Variants in DAPK2 observed in about 807,000 individuals in gnomAD.
DAPK2 encodes death-associated protein kinase 2.
In DAPK2, 35 loss-of-function variants were observed where a neutral mutation model predicts 44.1. The ratio of observed to expected loss-of-function variants is 0.79; its 90% CI spans 0.61 to 1.05. The LOEUF is 1.05. DAPK2 is among the 50% of genes least tolerant of loss of function. The probability of loss-of-function intolerance (pLI) is 0.00; values close to 1 mark genes in which losing one functional copy is unlikely to be tolerated. For synonymous variants in DAPK2, 174 were observed against 182.6 expected, an observed-to-expected ratio of 0.95 and a Z score of 0.38; for missense variants, 453 against 483.2, an observed-to-expected ratio of 0.94 and a Z score of 0.59.
intron 4 of DAPK2, chr15:63,932,570 T>C (rs2077001140): frequency 6.6e-6 from 1 of 151,828 alleles, no homozygotes; most frequent in Admixed American, 6.6e-5. Context: ...AGATGACACT[T>C]TTTAAAAGCT....
intron 8 of DAPK2, chr15:63,918,008 A>T (rs1473842422): frequency 1.3e-5 from 2 of 152,200 alleles, no homozygotes; most frequent in Non-Finnish European, 2.9e-5. Context: ...GCCAGAGCAC[A>T]ATCAGTGTTT....
intron 1 of DAPK2, among the ~76,000 whole-genome samples, chr15:63,986,486 G>A (rs987627527): frequency 2.0e-5 from 3 of 152,112 alleles, no homozygotes; most frequent in Admixed American, 1.3e-4. Flanking sequence ...GGGCAGTGGT[G>A]TGATCATAAC....
At chr15:64,011,825 T>C (rs1312450057) in intron 1 of DAPK2, among the ~76,000 whole-genome samples, 2 of 152,168 alleles carry the variant, frequency 1.3e-5, no homozygotes, top group East Asian at 1.9e-4. Context: ...TGTCTCCATA[T>C]AGTAAGTGAA....
At chr15:63,922,945 T>C in intron 8 of DAPK2, 1 of 1,535,880 alleles carries the variant, frequency 6.5e-7, no homozygotes, top group Non-Finnish European at 8.7e-7. Flanking sequence ...GATGGTCCAG[T>C]TTCCTGGCCA....
At chr15:64,037,529 G>A (rs1347417706) in intron 1 of DAPK2, among the ~76,000 whole-genome samples, 1 of 152,194 alleles carries the variant, frequency 6.6e-6, no homozygotes, top group African/African-American at 2.4e-5. Context: ...CCAGCCTGGG[G>A]AGCATAAACT....
intron 8 of DAPK2, chr15:63,922,858 G>A (rs1217125789): frequency 9.8e-6 from 15 of 1,535,688 alleles, no homozygotes; most frequent in Admixed American, 3.9e-5. Context: ...TCTCCAGCTG[G>A]AAGCTGCCCA....
At chr15:64,036,816 T>C (rs1392678408) in intron 1 of DAPK2, among the ~76,000 whole-genome samples, 2 of 152,138 alleles carry the variant, frequency 1.3e-5, no homozygotes, top group East Asian at 3.9e-4. Context: ...ATGATCCCCC[T>C]GCTCTTCTTC....
At chr15:63,994,739 G>T (rs942003565) in intron 1 of DAPK2, among the ~76,000 whole-genome samples, 2 of 151,940 alleles carry the variant, frequency 1.3e-5, no homozygotes, top group East Asian at 3.9e-4. Flanking sequence ...ACAGGCATCC[G>T]CCACCATGCC....
intron 4 of DAPK2, among the ~76,000 whole-genome samples, chr15:63,937,630 A>AAGG (rs2077199824): frequency 6.6e-6 from 1 of 150,570 alleles, no homozygotes; most frequent in Non-Finnish European, 1.5e-5. Flanking sequence ...TTTTCCTCTC[A>AAGG]CTCACTCAAG....
intron 3 of DAPK2, among the ~76,000 whole-genome samples, chr15:63,954,074 T>G (rs1392413894): frequency 3.3e-5 from 5 of 152,302 alleles, no homozygotes; most frequent in African/African-American, 1.2e-4. Flanking sequence ...TCAAATGGGT[T>G]GTTTGTAAAT....
rs1240727855 is a variant in DAPK2, at chr15:63,933,220, C to G, written c.584-2765G>C. Among the ~76,000 whole-genome samples, 17 of 152,072 alleles carry G rather than the reference C, an allele frequency of 1.1e-4. No individual in the cohort carries two copies. In the East Asian group the frequency reaches 3.3e-3, roughly 29 times the overall value. On this transcript the variant is annotated intron_variant, in intron 4 of 10. Coordinates refer to ENST00000261891, the Ensembl canonical transcript of DAPK2. ...ACTGTTGTGACATCCAAACTGTGGT[C>G]ATTTTTCTAATAATTTATTTGTTTT...
chr15:63,976,097 A>G (rs1418979432), intron 2 of DAPK2, among the ~76,000 whole-genome samples: 2 of 152,254 alleles, frequency 1.3e-5, no homozygotes, highest in Admixed American at 6.5e-5. Context: ...CATAGAAAGT[A>G]CACAGCAACA....
chr15:63,997,519 T>C (rs896764304), intron 1 of DAPK2, among the ~76,000 whole-genome samples: 1 of 152,104 alleles, frequency 6.6e-6, no homozygotes, highest in Non-Finnish European at 1.5e-5. Context: ...TTAGTAGACA[T>C]GCGGTTTCAC....
chr15:63,984,629 G>T (rs753355433), intron 1 of DAPK2, among the ~76,000 whole-genome samples: 4 of 152,142 alleles, frequency 2.6e-5, no homozygotes, highest in Non-Finnish European at 2.9e-5. Context: ...TTGCCCGGGG[G>T]TCCTCCCGTC....
At chr15:64,040,848 A>C (rs2080335471), upstream of DAPK2, among the ~76,000 whole-genome samples, 2 of 139,354 alleles carry the variant, frequency 1.4e-5, no homozygotes, top group Non-Finnish European at 3.0e-5. Flanking sequence ...CGGGAGGCAG[A>C]GGCTGCAGTG....
chr15:64,001,620 G>A (rs1003361234), intron 1 of DAPK2, among the ~76,000 whole-genome samples: 18 of 152,082 alleles, frequency 1.2e-4, no homozygotes, highest in South Asian at 2.1e-4. Context: ...TAGGAGCCCC[G>A]GGCTGTACTT....
At chr15:63,984,039 A>G (rs1189096332) in intron 1 of DAPK2, among the ~76,000 whole-genome samples, 4 of 152,220 alleles carry the variant, frequency 2.6e-5, no homozygotes, top group South Asian at 4.1e-4. Context: ...TCAGGATGAC[A>G]TAGCCTTGTC....
upstream of DAPK2, among the ~76,000 whole-genome samples, chr15:64,042,046 T>C (rs980630649): frequency 1.3e-5 from 2 of 151,894 alleles, no homozygotes; most frequent in Non-Finnish European, 2.9e-5. This position sits in a 1 kb window ranked among gnomAD's most constrained non-coding sequence, Gnocchi z 4.7. Context: ...CTAGCGTGAG[T>C]GTATATTAGC....
chr15:63,984,080 A>G (rs2078606649), intron 1 of DAPK2, among the ~76,000 whole-genome samples: 1 of 152,242 alleles, frequency 6.6e-6, no homozygotes, highest in South Asian at 2.1e-4. Flanking sequence ...ACCCAAGTCT[A>G]GGACCCACCA....
Sources: gnomAD v4.1 joint callset for allele counts (sites outside exome capture counted in the v4.1 genomes callset) on GRCh38, gnomAD v4.1.1 for gene constraint, Gnocchi (gnomAD v3.1) non-coding constraint, MANE v1.5 for transcripts, NCBI Gene and HGNC (gene_info 2026-07-23, HGNC 2026-07-21) for gene names.